The following BAZ1A variants were observed in gnomAD, a reference collection of about 807,000 sequenced individuals.
BAZ1A encodes bromodomain adjacent to zinc finger domain protein 1A.
A neutral mutation model predicts 185.2 loss-of-function variants in BAZ1A; 50 were observed. That is an observed-to-expected ratio of 0.27 (90% CI 0.22 to 0.34). The LOEUF is 0.34. Ranked by LOEUF, BAZ1A falls within the 10% of genes least tolerant of loss-of-function variation. BAZ1A has a pLI of 1.00. For missense variants in BAZ1A, 1,356 were observed against 1,839.9 expected, an observed-to-expected ratio of 0.74 and a Z score of 4.81; for synonymous variants, 571 against 615.6, an observed-to-expected ratio of 0.93 and a Z score of 1.07.
chr14:34,785,362 T>C (rs1483537080), intron 14 of BAZ1A, among the ~76,000 whole-genome samples: 1 of 152,226 alleles, frequency 6.6e-6, no homozygotes, highest in African/African-American at 2.4e-5. Flanking sequence ...TTAAACTCTT[T>C]ACTTGTACAT....
At chr14:34,753,822 G>GA in intron 26 of BAZ1A, 118 bp from the exon 27 acceptor site, 2 of 875,082 alleles carry the variant, frequency 2.3e-6, no homozygotes, top group Non-Finnish European at 3.3e-6. Flanking sequence ...TTTTTCTTTA[G>GA]AAAGAGAAGA....
At chr14:34,797,038 A>AAAAAAG (rs1275951247) in intron 9 of BAZ1A, among the ~76,000 whole-genome samples, 2 of 152,244 alleles carry the variant, frequency 1.3e-5, no homozygotes, top group Non-Finnish European at 2.9e-5. Context: ...ATAGTCCAAA[A>AAAAAAG]AAAAAGACTT....
chr14:34,802,760 G>C (rs1268732898), intron 7 of BAZ1A, 94 bp downstream of exon 7: 1 of 1,332,816 alleles, frequency 7.5e-7, no homozygotes, highest in African/African-American at 1.5e-5. Context: ...TCTTCCTCTA[G>C]GCTATGGATG....
chr14:34,767,157 CT>C (rs1167739832), intron 21 of BAZ1A, among the ~76,000 whole-genome samples: 5 of 152,114 alleles, frequency 3.3e-5, no homozygotes, highest in Non-Finnish European at 7.4e-5. Context: ...TTAGGTGTGT[CT>C]TTTGTAGACA....
At chr14:34,833,804 C>T (rs765827371) in intron 3 of BAZ1A, among the ~76,000 whole-genome samples, 4 of 152,044 alleles carry the variant, frequency 2.6e-5, no homozygotes, top group Non-Finnish European at 5.9e-5. Flanking sequence ...ATTAAGTACA[C>T]TGTGAATGTA....
In BAZ1A at chr14:34,798,805, C is replaced by T. The variant is rs145650325; in HGVS notation, c.1128+1419G>A. 6.9e-4 allele frequency among the ~76,000 whole-genome samples: 105 copies of T among 152,252 alleles called. 1 individual carries two copies. Among genetic ancestry groups the T allele is most frequent in the Middle Eastern group, 3.4e-3 (1 of 294 alleles). Reference sequence around the variant, plus strand: ...TTGGCTGGAGTGTAAACTAGTTCAACCATTGTGGAAGACAGTGTGGCGATT... The same window carrying T: ...TTGGCTGGAGTGTAAACTAGTTCAATCATTGTGGAAGACAGTGTGGCGATT... On this transcript the variant is annotated intron_variant, in intron 9 of 26. Transcript: ENST00000360310.
intron 3 of BAZ1A, among the ~76,000 whole-genome samples, chr14:34,830,002 G>C (rs1594883323): frequency 6.6e-6 from 1 of 152,242 alleles, no homozygotes; most frequent in South Asian, 2.1e-4. Flanking sequence ...TCTCTAGAGG[G>C]AGTTTATGTA....
intron 14 of BAZ1A, 42 bp downstream of exon 14, chr14:34,785,735 G>T: frequency 6.4e-7 from 1 of 1,558,012 alleles, no homozygotes; most frequent in South Asian, 1.1e-5. Context: ...ATAAGAGGGA[G>T]GAAGTGGGCA....
At chr14:34,857,904 A>G (rs2042707582) in intron 3 of BAZ1A, among the ~76,000 whole-genome samples, 1 of 152,162 alleles carries the variant, frequency 6.6e-6, no homozygotes, top group Non-Finnish European at 1.5e-5. Flanking sequence ...CCCTAGCTCA[A>G]GTGCCAACCA....
intron 10 of BAZ1A, 33 bp downstream of exon 10, chr14:34,795,637 A>T (rs1264675081): frequency 1.4e-6 from 2 of 1,458,822 alleles, no homozygotes; most frequent in Admixed American, 4.1e-5. Flanking sequence ...TGTAAAACCT[A>T]TGTGTGCTAA....
chr14:34,869,205 T>G (rs1594920725), intron 2 of BAZ1A, among the ~76,000 whole-genome samples: 1 of 151,920 alleles, frequency 6.6e-6, no homozygotes, highest in Non-Finnish European at 1.5e-5. Flanking sequence ...AGACTCCGTC[T>G]CAAAATAAAT....
At chr14:34,822,246 G>A (rs1271590194) in intron 4 of BAZ1A, among the ~76,000 whole-genome samples, 3 of 152,160 alleles carry the variant, frequency 2.0e-5, no homozygotes, top group Non-Finnish European at 4.4e-5. Context: ...AGTGAGCTGA[G>A]ATTCACCACT....
At chr14:34,782,563 C>A (rs1240553335) in intron 16 of BAZ1A, among the ~76,000 whole-genome samples, 1 of 152,000 alleles carries the variant, frequency 6.6e-6, no homozygotes, top group Non-Finnish European at 1.5e-5. Context: ...ATATGATTTG[C>A]AAATATTTTC....
intron 20 of BAZ1A, among the ~76,000 whole-genome samples, chr14:34,772,495 T>C (rs533340868): frequency 3.3e-5 from 5 of 152,306 alleles, no homozygotes; most frequent in Non-Finnish European, 7.4e-5. Flanking sequence ...CTCATGTTTC[T>C]CCACTGTTCC....
rs530468772 is a variant in BAZ1A, at chr14:34,868,653, T to C, written c.113+5839A>G. Among the ~76,000 whole-genome samples, 146 of 151,996 alleles carry C rather than the reference T, an allele frequency of 9.6e-4. 1 individual carries two copies. The highest frequency in any genetic ancestry group is 3.4e-3 in the Middle Eastern group (1 of 294). The stretch of plus-strand genomic sequence containing the variant: ...CCGTCTCTAGTAAAAATTCAAAAAT[T>C]AGCTGGGCACGGTGTCAGGAGCCTG... On this transcript the variant is annotated intron_variant, in intron 2 of 26. Coordinates refer to ENST00000360310, the MANE Select transcript of BAZ1A (RefSeq NM_013448.3).
intron 20 of BAZ1A, among the ~76,000 whole-genome samples, chr14:34,771,888 G>C (rs919935559): frequency 1.3e-5 from 2 of 152,132 alleles, no homozygotes; most frequent in African/African-American, 4.8e-5. Context: ...GTTTCAGAGA[G>C]GTGACATTGT....
rs747033966 is a variant in BAZ1A, at chr14:34,761,861, A to G, written c.4139T>C (p.Ile1380Thr). 1.2e-6 allele frequency: 2 copies of G among 1,614,094 alleles called. No individual in the cohort carries two copies. The highest frequency in any genetic ancestry group is 1.3e-5 in the African/African-American group (1 of 74,938). The change falls in exon 24 of 27, where the codon ATT becomes ACT. Residue 1380 changes from isoleucine to threonine, a missense_variant. Ile to Thr is a moderately conservative substitution (Grantham distance 89). Transcript: ENST00000360310. ...TGACTGTTCACTTGACTTTGTGGCAATGACTCTGAAGTTAGGGAAGTTGGG... is the reference window on the plus strand; with the variant it reads ...TGACTGTTCACTTGACTTTGTGGCAGTGACTCTGAAGTTAGGGAAGTTGGG... ...NSPNFPNFRV[I>T]ATKSSEQSRS...
chr14:34,867,742 T>C (rs2042883665), intron 2 of BAZ1A, among the ~76,000 whole-genome samples: 2 of 152,172 alleles, frequency 1.3e-5, no homozygotes, highest in African/African-American at 4.8e-5. Context: ...GGGAGAAAAG[T>C]CCAAGGGTCA....
rs771978349 is a variant in BAZ1A at position 34,758,708 on chromosome 14, A to G, written c.4382T>C (p.Ile1461Thr). 6.2e-7 allele frequency: 1 copy of G among 1,613,952 alleles called. No individual in the cohort carries two copies. The highest frequency in any genetic ancestry group is 8.5e-7 in the Non-Finnish European group (1 of 1,179,924). ...TTTATCAAGTCTAGTAATTACCTGG[A>G]TTTTAGAAACAAGTTTCAAAAAAGG... ...SWPFLKLVSK[I>T]QVPDYYDIIK... is the part of the protein sequence containing the mutation. The change falls in exon 25 of 27, where the codon ATC (isoleucine) becomes ACC (threonine). Residue 1461 changes from isoleucine to threonine, a missense_variant. Around this residue, in one of 7 missense-constraint regions of BAZ1A, gnomAD observed 61 missense variants for 117.9 expected, o/e 0.52. Transcript: ENST00000360310.
Sources: allele counts gnomAD v4.1 joint callset (sites outside exome capture counted in the v4.1 genomes callset), GRCh38; gene constraint gnomAD v4.1.1; regional missense constraint gnomAD v4.1.1; transcripts MANE v1.5; gene names NCBI Gene and HGNC (gene_info 2026-07-23, HGNC 2026-07-21).